SHANK2: variants seen among roughly 807,000 people sequenced by gnomAD.
SHANK2 encodes the protein SH3 and multiple ankyrin repeat domains protein 2.
In SHANK2, 43 loss-of-function variants were observed where a neutral mutation model predicts 133.7. The ratio of observed to expected loss-of-function variants is 0.32; its 90% CI spans 0.25 to 0.41. The LOEUF is 0.41. Ranked by LOEUF, SHANK2 falls within the 10% of genes least tolerant of loss-of-function variation. The pLI, the probability that SHANK2 is intolerant of heterozygous loss-of-function variation, is 1.00. For synonymous variants in SHANK2, 1,017 were observed against 952.8 expected (o/e 1.07, Z -1.24); for missense variants, 1,994 against 2,235.8 (o/e 0.89, Z 2.18).
chr11:70,524,310 C>T (rs1050785342), intron 17 of SHANK2, among the ~76,000 whole-genome samples: 5 of 152,224 alleles, frequency 3.3e-5, no homozygotes, highest in Non-Finnish European at 5.9e-5. Flanking sequence ...CATCCACGCT[C>T]GCCTTACCAG....
At chr11:71,129,851 T>G (rs1952264945) in intron 3 of SHANK2, among the ~76,000 whole-genome samples, 1 of 152,208 alleles carries the variant, frequency 6.6e-6, no homozygotes, top group Admixed American at 6.5e-5. Context: ...CGGGCTGCTG[T>G]GGCAAAGCAC....
intron 14 of SHANK2, among the ~76,000 whole-genome samples, chr11:70,795,492 G>A (rs1183633981): frequency 2.8e-5 from 4 of 141,402 alleles, no homozygotes; most frequent in Non-Finnish European, 6.0e-5. Flanking sequence ...TGCAACCTCC[G>A]CCTCCCAGGT....
At chr11:70,671,238 G>A (rs1230918546) in intron 15 of SHANK2, among the ~76,000 whole-genome samples, 1 of 152,182 alleles carries the variant, frequency 6.6e-6, no homozygotes, top group Non-Finnish European at 1.5e-5. Flanking sequence ...GACGGGGTGT[G>A]ATCAGCGCTC....
intron 10 of SHANK2, among the ~76,000 whole-genome samples, chr11:70,952,145 T>C (rs1565426224): frequency 6.6e-6 from 1 of 152,160 alleles, no homozygotes; most frequent in Non-Finnish European, 1.5e-5. Context: ...CCAAGCCAGA[T>C]TTAAACCCAG....
At chr11:70,543,626 C>G (rs2059651371) in intron 17 of SHANK2, among the ~76,000 whole-genome samples, 1 of 152,230 alleles carries the variant, frequency 6.6e-6, no homozygotes. Context: ...CCACACATCA[C>G]TCCATTTGTA....
intron 14 of SHANK2, among the ~76,000 whole-genome samples, chr11:70,758,530 A>C (rs945212264): frequency 2.0e-5 from 3 of 152,206 alleles, no homozygotes; most frequent in Admixed American, 1.3e-4. Context: ...AGCTGAATAG[A>C]GCTGTAACAC....
chr11:70,582,558 G>A (rs1329759307), intron 17 of SHANK2, among the ~76,000 whole-genome samples: 1 of 152,354 alleles, frequency 6.6e-6, no homozygotes, highest in Admixed American at 6.5e-5. Context: ...TAGGCAGCGG[G>A]AGGATACGCA....
In SHANK2 at chr11:71,151,186, T is replaced by C. The variant is rs1298899007; in HGVS notation, c.-12-3848A>G. On this transcript the variant is annotated intron_variant, in intron 2 of 25. Coordinates refer to ENST00000601538, the MANE Select transcript of SHANK2 (RefSeq NM_012309.5). The stretch of plus-strand genomic sequence containing the variant: ...TCAGCCCTGGGCCCTGGCAGCAGAA[T>C]TGTGGACCCTGTGCTAGTGTTTTAT... Among the ~76,000 whole-genome samples the C allele has an allele frequency of 2.6e-5, 4 of 152,074 alleles. No individual in the cohort carries two copies. In the South Asian group the frequency reaches 6.2e-4, roughly 24 times the overall value.
At chr11:70,853,589 T>C (rs900493230) in intron 11 of SHANK2, among the ~76,000 whole-genome samples, 1 of 152,124 alleles carries the variant, frequency 6.6e-6, no homozygotes, top group African/African-American at 2.4e-5. Flanking sequence ...GTGTGATGTG[T>C]GTAGGATGCT....
At chr11:71,085,673 AT>A (rs1951379951) in intron 8 of SHANK2, among the ~76,000 whole-genome samples, 15 of 16,192 alleles carry the variant, frequency 9.3e-4, no homozygotes, top group Admixed American at 1.5e-3. Flanking sequence ...TATATATGTT[AT>A]ATATATAATA....
At chr11:71,151,916 A>G (rs1437407275) in intron 2 of SHANK2, among the ~76,000 whole-genome samples, 1 of 151,956 alleles carries the variant, frequency 6.6e-6, no homozygotes, top group East Asian at 1.9e-4. Context: ...GCAGACGCCC[A>G]CAAGAGCAGT....
chr11:70,565,948 C>G (rs2059963382), intron 17 of SHANK2, among the ~76,000 whole-genome samples: 1 of 152,072 alleles, frequency 6.6e-6, no homozygotes, highest in East Asian at 1.9e-4. Context: ...AAAGATATAC[C>G]TAAGACTGGG....
chr11:70,788,994 C>T (rs72935485), intron 14 of SHANK2, among the ~76,000 whole-genome samples: 16,297 of 152,134 alleles, frequency 0.11, 1,230 homozygotes, highest in Non-Finnish European at 0.15. Flanking sequence ...GGTGGCGGTC[C>T]GGAGACACTT....
At chr11:70,687,566 C>T (rs1001459568) in intron 15 of SHANK2, among the ~76,000 whole-genome samples, 2 of 135,822 alleles carry the variant, frequency 1.5e-5, no homozygotes, top group African/African-American at 5.7e-5. Flanking sequence ...AAGACAGGAG[C>T]ACGAGAGGGG....
At chr11:70,924,982 G>C (rs566299694) in intron 10 of SHANK2, among the ~76,000 whole-genome samples, 2 of 152,228 alleles carry the variant, frequency 1.3e-5, no homozygotes, top group South Asian at 4.1e-4. Context: ...GCTCACAGGG[G>C]GGCAGATTGA....
chr11:70,510,906 G>T (rs2059196904), intron 17 of SHANK2, among the ~76,000 whole-genome samples: 1 of 152,240 alleles, frequency 6.6e-6, no homozygotes, highest in Non-Finnish European at 1.5e-5. Flanking sequence ...TGCTGCCTCA[G>T]AGCCAGCCCC....
At chr11:71,147,087 G>A in intron 3 of SHANK2, 33 bp downstream of exon 3, 1 of 1,519,080 alleles carries the variant, frequency 6.6e-7, no homozygotes, top group Non-Finnish European at 8.8e-7. Flanking sequence ...ACATTGTCCA[G>A]ATGTGAACCA....
At chr11:70,706,615 T>TG (rs1555024990) in intron 14 of SHANK2, among the ~76,000 whole-genome samples, 1 of 151,978 alleles carries the variant, frequency 6.6e-6, no homozygotes, top group Non-Finnish European at 1.5e-5. Flanking sequence ...CACATCCCTC[T>TG]GGGTGTAAGG....
intron 17 of SHANK2, among the ~76,000 whole-genome samples, chr11:70,575,307 A>T (rs1048300844): frequency 6.6e-6 from 1 of 152,090 alleles, no homozygotes; most frequent in Non-Finnish European, 1.5e-5. Context: ...AGGTCAGGAG[A>T]TTGAGACCAG....
Sources: gnomAD v4.1 joint callset for allele counts (sites outside exome capture counted in the v4.1 genomes callset) on GRCh38, gnomAD v4.1.1 for gene constraint, MANE v1.5 for transcripts, NCBI Gene and HGNC (gene_info 2026-07-23, HGNC 2026-07-21) for gene names.